COL14A1: variants seen among roughly 807,000 people sequenced by gnomAD.
The protein encoded by COL14A1 is collagen type XIV alpha 1 chain.
Under a neutral mutation model 230.3 loss-of-function variants are expected in COL14A1, and 136 were observed. That is an observed-to-expected ratio of 0.59 (90% CI 0.51 to 0.68). The LOEUF (loss-of-function observed/expected upper bound fraction) is 0.68. Ranked by LOEUF, COL14A1 falls within the 30% of genes least tolerant of loss-of-function variation. The probability of loss-of-function intolerance (pLI) is 0.00; values close to 1 mark genes in which losing one functional copy is unlikely to be tolerated. For synonymous variants in COL14A1, 792 were observed against 784.1 expected (o/e 1.01, Z -0.17); for missense variants, 1,976 against 2,215.8 (o/e 0.89, Z 2.17).
intron 45 of COL14A1, among the ~76,000 whole-genome samples, chr8:120,356,632 A>T (rs548719307): frequency 3.3e-5 from 5 of 152,100 alleles, no homozygotes; most frequent in Non-Finnish European, 4.4e-5. Flanking sequence ...TTTCAGTTGT[A>T]ATTAGTGCTA....
intron 5 of COL14A1, among the ~76,000 whole-genome samples, chr8:120,194,108 A>G (rs1317983945): frequency 2.0e-5 from 3 of 152,204 alleles, no homozygotes; most frequent in Admixed American, 2.0e-4. Context: ...CCGGTACCTC[A>G]GATGGAAATG....
At chr8:120,339,092 G>A (rs1822190867) in intron 42 of COL14A1, among the ~76,000 whole-genome samples, 1 of 152,188 alleles carries the variant, frequency 6.6e-6, no homozygotes, top group Non-Finnish European at 1.5e-5. Context: ...CCGAGTAGCT[G>A]GGACTACAGG....
At chr8:120,197,710 T>C in intron 6 of COL14A1, 101 bp from the exon 7 acceptor site, 1 of 1,285,728 alleles carries the variant, frequency 7.8e-7, no homozygotes, top group Non-Finnish European at 1.1e-6. Context: ...TAAAAAATTT[T>C]TGCAAAGATG....
chr8:120,350,573 C>A (rs1822713642), intron 45 of COL14A1, among the ~76,000 whole-genome samples: 2 of 149,496 alleles, frequency 1.3e-5, no homozygotes, highest in Admixed American at 6.6e-5. Context: ...CAAAAAAAGG[C>A]AGGGGTTGCA....
At chr8:120,178,757 A>G (rs1244897158) in intron 5 of COL14A1, among the ~76,000 whole-genome samples, 1 of 152,132 alleles carries the variant, frequency 6.6e-6, no homozygotes, top group Non-Finnish European at 1.5e-5. Flanking sequence ...TGACTTTTTA[A>G]TAGATTGCCA....
intron 36 of COL14A1, among the ~76,000 whole-genome samples, chr8:120,307,738 G>A (rs1349576935): frequency 6.6e-6 from 1 of 152,178 alleles, no homozygotes; most frequent in Non-Finnish European, 1.5e-5. Flanking sequence ...CAATCAGGTT[G>A]ATAAAAATGT....
chr8:120,232,802 A>G (rs1818318199), intron 19 of COL14A1, among the ~76,000 whole-genome samples: 1 of 152,188 alleles, frequency 6.6e-6, no homozygotes, highest in Admixed American at 6.5e-5. Context: ...TGCTGGGTCA[A>G]ATGGTATTTC....
chr8:120,321,124 T>C (rs1394301118), intron 40 of COL14A1, among the ~76,000 whole-genome samples: 1 of 152,180 alleles, frequency 6.6e-6, no homozygotes, highest in Non-Finnish European at 1.5e-5. Context: ...AAGAGATATT[T>C]AATAAGCAGG....
chr8:120,153,081 T>TA (rs34506792), intron 2 of COL14A1, among the ~76,000 whole-genome samples: 58,791 of 151,994 alleles, frequency 0.39, 12,206 homozygotes, highest in East Asian at 0.57. Flanking sequence ...AAAATCCCTG[T>TA]AGCATATCCT....
chr8:120,176,160 T>G (rs1350422337), intron 5 of COL14A1, among the ~76,000 whole-genome samples: 1 of 152,214 alleles, frequency 6.6e-6, no homozygotes, highest in Non-Finnish European at 1.5e-5. Flanking sequence ...GAGCTAAGAT[T>G]ATCATGGGCC....
chr8:120,370,680 C>T, intron 47 of COL14A1: 3 of 1,439,904 alleles, frequency 2.1e-6, no homozygotes, highest in Non-Finnish European at 2.8e-6. Context: ...CCCTGTGTGA[C>T]AGCTTCATAA....
intron 34 of COL14A1, among the ~76,000 whole-genome samples, chr8:120,291,514 C>T (rs944517823): frequency 2.5e-4 from 36 of 143,636 alleles, no homozygotes; most frequent in Admixed American, 1.6e-3. Context: ...GAACCAAGAT[C>T]GCGCCACTGC....
At chr8:120,271,924 A>C (rs1027700618) in intron 26 of COL14A1, among the ~76,000 whole-genome samples, 3 of 151,522 alleles carry the variant, frequency 2.0e-5, no homozygotes, top group African/African-American at 7.3e-5. Flanking sequence ...ATAAGAGTGC[A>C]AGCAGATAGA....
chr8:120,332,345 T>C (rs1036119284), intron 41 of COL14A1, 151 bp downstream of exon 41: 69 of 727,444 alleles, frequency 9.5e-5, no homozygotes, highest in Non-Finnish European at 1.3e-4. Context: ...CCTAAAACTT[T>C]TTAGAAAGAT....
intron 1 of COL14A1, among the ~76,000 whole-genome samples, chr8:120,128,995 C>G (rs572455107): frequency 6.6e-6 from 1 of 152,260 alleles, no homozygotes; most frequent in African/African-American, 2.4e-5. Context: ...CCTTTTGTCT[C>G]TGGCTTTTGC....
In COL14A1 at chr8:120,278,421, T is replaced by G. The variant is rs1326342429; in HGVS notation, c.3338-14T>G. On this transcript the variant is annotated splice_polypyrimidine_tract_variant and intron_variant, in intron 27 of 47. Transcript: ENST00000297848. ...GAGGGAGTGAAATCAAACTGTTGCC[T>G]TTCTTTGTTTCAGGAAAAGCAATTA... 1 of 1,605,692 alleles carries G rather than the reference T, an allele frequency of 6.2e-7. No homozygotes were observed. The highest frequency in any genetic ancestry group is 8.5e-7 in the Non-Finnish European group (1 of 1,175,894).
intron 1 of COL14A1, among the ~76,000 whole-genome samples, chr8:120,141,531 G>C (rs190712383): frequency 1.3e-4 from 20 of 151,974 alleles, no homozygotes; most frequent in Admixed American, 6.6e-4. Flanking sequence ...GGTGACAGAA[G>C]CAGACCCTGT....
At chr8:120,226,914 A>T in intron 16 of COL14A1, 148 bp downstream of exon 16, 2 of 726,740 alleles carry the variant, frequency 2.8e-6, no homozygotes, top group Non-Finnish European at 4.2e-6. Context: ...ATGTCAAATC[A>T]TAAGATTTTC....
At chr8:120,151,361 A>T (rs1210475005) in intron 2 of COL14A1, among the ~76,000 whole-genome samples, 3 of 152,134 alleles carry the variant, frequency 2.0e-5, no homozygotes, top group East Asian at 3.9e-4. Context: ...GAGAAAAAAA[A>T]ATAGTCTGGT....
Sources: allele counts gnomAD v4.1 joint callset (sites outside exome capture counted in the v4.1 genomes callset), GRCh38; gene constraint gnomAD v4.1.1; transcripts MANE v1.5; gene names NCBI Gene and HGNC (gene_info 2026-07-23, HGNC 2026-07-21).